GRIK2: variants seen among roughly 807,000 people sequenced by gnomAD.
GRIK2 encodes glutamate receptor ionotropic, kainate 2.
GRIK2 carries 32 observed loss-of-function variants against 100.3 expected under a neutral mutation model. The observed-to-expected ratio is 0.32, with a 90% CI of 0.24 to 0.43. The LOEUF (loss-of-function observed/expected upper bound fraction) is 0.43. Among genes scored for constraint, GRIK2 ranks in the 20% least tolerant of loss-of-function variants. The pLI is 1.00. For missense variants in GRIK2, 843 were observed against 1,114.9 expected, an observed-to-expected ratio of 0.76 and a Z score of 3.47; for synonymous variants, 417 against 389.4, an observed-to-expected ratio of 1.07 and a Z score of -0.83.
chr6:101,417,138 G>A (rs1486312083), intron 2 of GRIK2, among the ~76,000 whole-genome samples: 1 of 152,208 alleles, frequency 6.6e-6, no homozygotes, highest in Admixed American at 6.5e-5. Flanking sequence ...GCACGAGAAT[G>A]TGTGCAGGGG....
At chr6:102,002,940 G>T (rs1308279289) in intron 14 of GRIK2, among the ~76,000 whole-genome samples, 4 of 150,972 alleles carry the variant, frequency 2.6e-5, no homozygotes, top group Admixed American at 6.6e-5. Flanking sequence ...TTTATGATTT[G>T]TATACTTAAG....
At chr6:101,473,097 TTTCCTTCCTTCCTTCCTTCCTTCCTTCC>T (rs202063345) in intron 2 of GRIK2, among the ~76,000 whole-genome samples, 106 of 133,330 alleles carry the variant, frequency 8.0e-4, no homozygotes, top group African/African-American at 2.7e-3. Flanking sequence ...AATCCTAGGT[TTTCCTTCCTTCCTTCCTTCCTTCCTTCC>T]TTCCTTCCTT....
chr6:101,631,451 A>T (rs1023399477), intron 4 of GRIK2, among the ~76,000 whole-genome samples: 1 of 152,158 alleles, frequency 6.6e-6, no homozygotes, highest in Non-Finnish European at 1.5e-5. Context: ...CAAGAAGGGA[A>T]TGGAAATGCC....
At chr6:101,837,052 T>C (rs2128431868) in intron 10 of GRIK2, among the ~76,000 whole-genome samples, 1 of 152,306 alleles carries the variant, frequency 6.6e-6, no homozygotes, top group South Asian at 2.1e-4. Flanking sequence ...AGTCTTGAGA[T>C]ATTTTCTTAA....
At chr6:101,765,561 T>A (rs1447078407) in intron 7 of GRIK2, among the ~76,000 whole-genome samples, 1 of 152,166 alleles carries the variant, frequency 6.6e-6, no homozygotes, top group Non-Finnish European at 1.5e-5. Flanking sequence ...TGCATTTATT[T>A]TGCAAAAGCT....
intron 11 of GRIK2, among the ~76,000 whole-genome samples, chr6:101,887,189 A>G (rs1283087126): frequency 1.3e-5 from 2 of 152,116 alleles, no homozygotes; most frequent in Non-Finnish European, 2.9e-5. Flanking sequence ...GAGTGGATGT[A>G]GTATTTTCAC....
At chr6:101,936,635 G>A (rs772288750) in intron 14 of GRIK2, among the ~76,000 whole-genome samples, 2 of 152,004 alleles carry the variant, frequency 1.3e-5, no homozygotes, top group East Asian at 3.9e-4. Flanking sequence ...ATTTGCATAA[G>A]GACTACAGGA....
chr6:101,932,280 CAT>C (rs945083614), intron 14 of GRIK2, among the ~76,000 whole-genome samples: 5 of 151,974 alleles, frequency 3.3e-5, no homozygotes, highest in Non-Finnish European at 4.4e-5. Context: ...AAGGAAGAAA[CAT>C]GTGCTCTTTT....
chr6:101,752,109 G>A (rs1203826565), intron 7 of GRIK2, among the ~76,000 whole-genome samples: 3 of 152,048 alleles, frequency 2.0e-5, no homozygotes, highest in Non-Finnish European at 4.4e-5. Context: ...ATGATAAATT[G>A]GTTCTTTATC....
chr6:101,541,656 T>A (rs888434153), intron 2 of GRIK2, among the ~76,000 whole-genome samples: 1 of 152,040 alleles, frequency 6.6e-6, no homozygotes, highest in Non-Finnish European at 1.5e-5. Flanking sequence ...AAAAAACAAA[T>A]GAATAAATGA....
intron 2 of GRIK2, among the ~76,000 whole-genome samples, chr6:101,529,324 C>T (rs1235460459): frequency 1.3e-5 from 2 of 151,996 alleles, no homozygotes; most frequent in Admixed American, 6.6e-5. Flanking sequence ...TGAATGTATT[C>T]TCACCCGATA....
intron 2 of GRIK2, among the ~76,000 whole-genome samples, chr6:101,540,756 AT>A (rs1775946702): frequency 6.6e-6 from 1 of 151,970 alleles, no homozygotes; most frequent in Admixed American, 6.6e-5. Context: ...GTTCTTTCTA[AT>A]TTAAATTTCC....
At chr6:101,943,175 A>G (rs982027426) in intron 14 of GRIK2, among the ~76,000 whole-genome samples, 2 of 152,182 alleles carry the variant, frequency 1.3e-5, no homozygotes, top group African/African-American at 4.8e-5. Context: ...GCAAGCCCCA[A>G]ACCTTGGCAG....
intron 12 of GRIK2, among the ~76,000 whole-genome samples, chr6:101,912,043 A>AACACACACACAC (rs1554285094): frequency 2.2e-5 from 3 of 134,624 alleles, no homozygotes; most frequent in Non-Finnish European, 3.2e-5. Flanking sequence ...TACCAGGGGC[A>AACACACACACAC]ACGCACACAC....
intron 14 of GRIK2, among the ~76,000 whole-genome samples, chr6:101,995,010 A>T (rs1171855247): frequency 6.6e-6 from 1 of 151,962 alleles, no homozygotes; most frequent in Non-Finnish European, 1.5e-5. Flanking sequence ...AATATTGATC[A>T]CTACTGTGAT....
chr6:101,560,219 A>G (rs930945425), intron 2 of GRIK2, among the ~76,000 whole-genome samples: 5 of 152,082 alleles, frequency 3.3e-5, no homozygotes, highest in Non-Finnish European at 5.9e-5. Context: ...AGATTGTTCT[A>G]ATATTCTAAG....
chr6:101,846,182 T>C (rs1334164777), intron 10 of GRIK2, among the ~76,000 whole-genome samples: 1 of 152,170 alleles, frequency 6.6e-6, no homozygotes, highest in Non-Finnish European at 1.5e-5. Flanking sequence ...AATTTATCTA[T>C]ATATTTTTTG....
At chr6:102,047,740 C>T (rs1770970003) in intron 15 of GRIK2, among the ~76,000 whole-genome samples, 1 of 151,666 alleles carries the variant, frequency 6.6e-6, no homozygotes, top group Non-Finnish European at 1.5e-5. Context: ...CAGAGCAAGA[C>T]TCCATCTCAA....
intron 14 of GRIK2, among the ~76,000 whole-genome samples, chr6:101,968,905 CAATG>C (rs1253954398): frequency 6.6e-6 from 1 of 151,904 alleles, no homozygotes; most frequent in Non-Finnish European, 1.5e-5. Context: ...GTTCATAACA[CAATG>C]AATACATTTG....
Sources: allele counts gnomAD v4.1 joint callset (sites outside exome capture counted in the v4.1 genomes callset), GRCh38; gene constraint gnomAD v4.1.1; transcripts MANE v1.5; gene names NCBI Gene and HGNC (gene_info 2026-07-23, HGNC 2026-07-21).